Variants in SLC4A4 observed in about 807,000 individuals in gnomAD.
The protein encoded by SLC4A4 is electrogenic sodium bicarbonate cotransporter 1.
Under a neutral mutation model 111.5 loss-of-function variants are expected in SLC4A4, and 27 were observed. That is an observed-to-expected ratio of 0.24 (90% CI 0.18 to 0.33). SLC4A4 has a LOEUF of 0.33. SLC4A4 is among the 10% of genes least tolerant of loss of function. The pLI, the probability that SLC4A4 is intolerant of heterozygous loss-of-function variation, is 1.00. For missense variants in SLC4A4, 909 were observed against 1,315.5 expected (o/e 0.69, Z 4.78); for synonymous variants, 443 against 463.4 (o/e 0.96, Z 0.57).
At chr4:71,552,116 C>T (rs111699820) in intron 20 of SLC4A4, among the ~76,000 whole-genome samples, 7 of 151,962 alleles carry the variant, frequency 4.6e-5, no homozygotes, top group South Asian at 2.1e-4. Flanking sequence ...ATAATTATGA[C>T]ATTAATACCT....
At chr4:71,476,475 T>C (rs1728385322) in intron 14 of SLC4A4, among the ~76,000 whole-genome samples, 2 of 151,718 alleles carry the variant, frequency 1.3e-5, no homozygotes, top group Non-Finnish European at 2.9e-5. Flanking sequence ...AACCAGCAAT[T>C]GCACAGATGG....
At chr4:71,509,962 A>G (rs1033599088) in intron 16 of SLC4A4, among the ~76,000 whole-genome samples, 5 of 152,138 alleles carry the variant, frequency 3.3e-5, no homozygotes, top group African/African-American at 7.2e-5. Flanking sequence ...ATTCCCTCTA[A>G]CAGTTAGTCC....
At chr4:71,378,767 A>G (rs1026116917) in intron 6 of SLC4A4, among the ~76,000 whole-genome samples, 3 of 152,210 alleles carry the variant, frequency 2.0e-5, no homozygotes, top group African/African-American at 7.2e-5. Flanking sequence ...AAATCTTCAG[A>G]AACGAGGCTT....
chr4:71,264,366 G>A (rs1722086384), intron 3 of SLC4A4, among the ~76,000 whole-genome samples: 1 of 151,958 alleles, frequency 6.6e-6, no homozygotes, highest in African/African-American at 2.4e-5. Context: ...ATTATCTTTT[G>A]TCATTTATCA....
intron 1 of SLC4A4, among the ~76,000 whole-genome samples, chr4:71,082,976 C>T (rs1174529540): frequency 6.6e-6 from 1 of 151,868 alleles, no homozygotes; most frequent in Non-Finnish European, 1.5e-5. Flanking sequence ...GCCTCAGCCT[C>T]CCAAGTAGCT....
chr4:71,319,129 C>T (rs1726926968), intron 3 of SLC4A4, among the ~76,000 whole-genome samples: 1 of 151,986 alleles, frequency 6.6e-6, no homozygotes, highest in African/African-American at 2.4e-5. Flanking sequence ...ATCTGTGAAT[C>T]AAAACTTGTT....
chr4:71,322,679 C>A lies in SLC4A4; in HGVS notation c.254-16691C>A, dbSNP rs376832259. ...TCATGTAAACCTTATCATAGCAGCTCTGGCAGAAGGGAGAGAAGTGATGTA... is the reference window on the plus strand; with the variant it reads ...TCATGTAAACCTTATCATAGCAGCTATGGCAGAAGGGAGAGAAGTGATGTA... On this transcript the variant is annotated intron_variant, in intron 3 of 25. Coordinates refer to ENST00000264485, the MANE Select transcript of SLC4A4 (RefSeq NM_001098484.3). Among the ~76,000 whole-genome samples, 32 of 152,022 alleles carry A rather than the reference C, an allele frequency of 2.1e-4. 1 individual carries two copies. The highest frequency in any genetic ancestry group is 7.2e-4 in the African/African-American group (30 of 41,492).
chr4:71,281,472 C>T (rs562987886), intron 3 of SLC4A4, among the ~76,000 whole-genome samples: 135 of 152,180 alleles, frequency 8.9e-4, no homozygotes, highest in Non-Finnish European at 1.8e-3. Context: ...AGTATGAGCC[C>T]CGGTTTTCTC....
rs541221069 is a variant in SLC4A4, at chr4:71,141,913, G to T, written c.-2+49121G>T. Among the ~76,000 whole-genome samples the T allele has an allele frequency of 3.9e-5, 6 of 152,326 alleles. No individual in the cohort carries two copies. In the South Asian group the frequency reaches 1.2e-3, roughly 32 times the overall value. On this transcript the variant is annotated intron_variant, in intron 2 of 26. Transcript: ENST00000649996. ...AATAAGGAAGAAGACAATTTCATTA[G>T]CTTAGGTAGCTACTTTCTAACCTTT... is the stretch of plus-strand genomic sequence containing the variant.
intron 4 of SLC4A4, 118 bp from the exon 5 acceptor site, chr4:71,349,794 C>A: frequency 1.1e-6 from 1 of 892,896 alleles, no homozygotes; most frequent in Non-Finnish European, 1.8e-6. Context: ...TATTAATACT[C>A]CACAAAAAGA....
chr4:71,187,677 CT>C lies in SLC4A4; in HGVS notation c.-2+277del, dbSNP rs915179210. Among the ~76,000 whole-genome samples the C allele has an allele frequency of 1.3e-4, 20 of 152,308 alleles. No individual in the cohort carries two copies. In the South Asian group the frequency reaches 2.3e-3, roughly 17 times the overall value. Reference sequence around the variant, plus strand: ...TGCTTCTCCCTCACTGCTAAGTCCCCTGCGCGCAACTGGGCGTCTTTACGAG... The same window carrying C: ...TGCTTCTCCCTCACTGCTAAGTCCCCGCGCGCAACTGGGCGTCTTTACGAG... On this transcript the variant is annotated intron_variant, in intron 1 of 25. Transcript: ENST00000264485.
At chr4:71,484,471 T>C (rs1447079970) in intron 14 of SLC4A4, among the ~76,000 whole-genome samples, 2 of 151,784 alleles carry the variant, frequency 1.3e-5, no homozygotes, top group East Asian at 3.9e-4. Context: ...GAAGATCAGA[T>C]AGTTGTAGAT....
rs73828108 is a variant in SLC4A4 at position 71,372,282 on chromosome 4, T to C, written c.730+15095T>C. 8.9e-3 allele frequency among the ~76,000 whole-genome samples: 1,352 copies of C among 152,312 alleles called. 22 individuals are homozygous for C. The highest frequency in any genetic ancestry group is 0.029 in the African/African-American group (1,208 of 41,570). On this transcript the variant is annotated intron_variant, in intron 6 of 25. Coordinates refer to ENST00000264485, the MANE Select transcript of SLC4A4 (RefSeq NM_001098484.3). Reference sequence around the variant, plus strand: ...GGCAGATGTGAGCCTAGAGCTCTTATCCATTTCAAATGCTGCCAAGGTATT... The same window carrying C: ...GGCAGATGTGAGCCTAGAGCTCTTACCCATTTCAAATGCTGCCAAGGTATT...
At chr4:71,377,203 A>G (rs1231821407) in intron 6 of SLC4A4, among the ~76,000 whole-genome samples, 1 of 152,264 alleles carries the variant, frequency 6.6e-6, no homozygotes, top group Non-Finnish European at 1.5e-5. Context: ...GAGACCAAAA[A>G]GTTTGATAAC....
intron 1 of SLC4A4, among the ~76,000 whole-genome samples, chr4:71,080,845 C>T (rs1004575431): frequency 2.6e-5 from 4 of 152,032 alleles, no homozygotes; most frequent in Admixed American, 2.0e-4. Flanking sequence ...CTAGCTATTA[C>T]ATAGAGTTCC....
chr4:71,385,737 A>G (rs971424089), intron 6 of SLC4A4, among the ~76,000 whole-genome samples: 6 of 152,228 alleles, frequency 3.9e-5, no homozygotes, highest in Admixed American at 3.3e-4. Context: ...CTCTTTCAAT[A>G]TCTCAAGGAT....
Position 71,109,710 on chromosome 4 carries a change from G to A in SLC4A4, c.-2+16918G>A, listed in dbSNP as rs759154355. Among the ~76,000 whole-genome samples, 9 of 151,856 alleles carry A rather than the reference G, an allele frequency of 5.9e-5. 1 individual carries two copies. The East Asian group carries it at 9.7e-4, about 16-fold the overall frequency. On this transcript the variant is annotated intron_variant, in intron 2 of 26. Coordinates refer to the SLC4A4 transcript ENST00000649996. ...GGTGTGCACTGCCACACCAGGCTAC[G>A]TTTTGTATTTTTAATAGAGATGGGT...
chr4:71,338,566 C>CTT (rs1213292062), intron 3 of SLC4A4, among the ~76,000 whole-genome samples: 9 of 135,496 alleles, frequency 6.6e-5, no homozygotes, highest in African/African-American at 8.1e-5. Flanking sequence ...TCTTCTTCTT[C>CTT]TTTTTTTTTT....
intron 14 of SLC4A4, chr4:71,473,278 A>G (rs991520142): frequency 1.7e-6 from 1 of 601,234 alleles, no homozygotes; most frequent in Non-Finnish European, 3.0e-6. Context: ...AAGTGGGGAA[A>G]CCTGGATACA....
Sources: allele counts gnomAD v4.1 joint callset (sites outside exome capture counted in the v4.1 genomes callset), GRCh38; gene constraint gnomAD v4.1.1; transcripts MANE v1.5; gene names NCBI Gene and HGNC (gene_info 2026-07-23, HGNC 2026-07-21).